Variants in MARCHF8 observed in about 807,000 individuals in gnomAD.
MARCHF8 encodes membrane associated ring-CH-type finger 8.
Under a neutral mutation model 51.6 loss-of-function variants are expected in MARCHF8, and 40 were observed. The observed-to-expected ratio is 0.77, with a 90% confidence interval of 0.60 to 1.01. The LOEUF is 1.01. MARCHF8 is among the 50% of genes least tolerant of loss of function. The pLI, the probability that MARCHF8 is intolerant of heterozygous loss-of-function variation, is 0.00. For synonymous variants in MARCHF8, 263 were observed against 280.3 expected, an observed-to-expected ratio of 0.94 and a Z score of 0.62; for missense variants, 685 against 708.6, an observed-to-expected ratio of 0.97 and a Z score of 0.38.
chr10:45,505,690 T>A (rs914416068), intron 2 of MARCHF8, among the ~76,000 whole-genome samples: 2 of 152,238 alleles, frequency 1.3e-5, no homozygotes, highest in African/African-American at 4.8e-5. Flanking sequence ...AACAAATTAT[T>A]TCCCAATGGG....
At position 45,499,834 on chromosome 10, in the gene MARCHF8, T is replaced by C. The variant is rs552313414; in HGVS notation, c.103-10417A>G. On this transcript the variant is annotated intron_variant, in intron 2 of 7. Transcript: ENST00000453424. ...CAGTACCACACTAACTTGTTTACTG[T>C]AGCTTTGTAATAAGTTTTGAAGTCA... Among the ~76,000 whole-genome samples the C allele has an allele frequency of 3.9e-5, 6 of 152,326 alleles. No individual in the cohort carries two copies. The East Asian group carries it at 1.2e-3, about 29-fold the overall frequency.
At chr10:45,473,685 T>C (rs1213918884) in intron 3 of MARCHF8, among the ~76,000 whole-genome samples, 1 of 152,188 alleles carries the variant, frequency 6.6e-6, no homozygotes, top group Non-Finnish European at 1.5e-5. Flanking sequence ...TCCAGCTGAA[T>C]AGAGTGGGTT....
intron 3 of MARCHF8, among the ~76,000 whole-genome samples, chr10:45,481,063 G>A (rs1013045418): frequency 2.6e-5 from 4 of 152,252 alleles, no homozygotes; most frequent in Non-Finnish European, 2.9e-5. Flanking sequence ...TGACCTGGAT[G>A]TGAGACATGG....
chr10:45,548,644 G>T (rs17157919), intron 1 of MARCHF8, among the ~76,000 whole-genome samples: 9,389 of 152,222 alleles, frequency 0.062, 331 homozygotes, highest in Non-Finnish European at 0.066. Context: ...AGCATTTCAC[G>T]TCTGAGAAAC....
At chr10:45,569,217 T>A (rs1034313087) in intron 1 of MARCHF8, among the ~76,000 whole-genome samples, 3 of 152,096 alleles carry the variant, frequency 2.0e-5, no homozygotes, top group Non-Finnish European at 2.9e-5. Context: ...CCCCATGCAG[T>A]GTGATATTAG....
intron 1 of MARCHF8, among the ~76,000 whole-genome samples, chr10:45,556,231 T>C: frequency 6.6e-6 from 1 of 152,192 alleles, no homozygotes; most frequent in East Asian, 1.9e-4. Context: ...CCGAATGTAA[T>C]GTGTAGACCT....
At chr10:45,467,824 G>C (rs757086700) in intron 3 of MARCHF8, among the ~76,000 whole-genome samples, 2 of 152,144 alleles carry the variant, frequency 1.3e-5, no homozygotes, top group Admixed American at 6.5e-5. Flanking sequence ...GACCACACAC[G>C]ACTCGACAAT....
intron 1 of MARCHF8, among the ~76,000 whole-genome samples, chr10:45,547,566 AT>A (rs2044142405): frequency 6.6e-6 from 1 of 152,222 alleles, no homozygotes; most frequent in African/African-American, 2.4e-5. Context: ...GCTTGACTAA[AT>A]GTGATAGTGT....
chr10:45,515,912 C>G (rs2043610534), intron 2 of MARCHF8, among the ~76,000 whole-genome samples: 1 of 152,248 alleles, frequency 6.6e-6, no homozygotes, highest in Admixed American at 6.5e-5. Context: ...CTGTTCTCTT[C>G]TCCCAGGGAT....
intron 3 of MARCHF8, among the ~76,000 whole-genome samples, chr10:45,484,299 AG>A (rs2042941775): frequency 6.6e-6 from 1 of 152,238 alleles, no homozygotes; most frequent in Admixed American, 6.5e-5. Flanking sequence ...GGAAGTACAT[AG>A]GGTGAGGACT....
In MARCHF8 at chr10:45,455,487, G is replaced by C. The variant is rs1308363982; in HGVS notation, c.*2752C>G. 1 of 151,786 alleles carries C rather than the reference G, an allele frequency of 6.6e-6. No homozygotes were observed. The highest frequency in any genetic ancestry group is 1.5e-5 in the Non-Finnish European group (1 of 68,016). The allele number at this position is 151,786 out of a possible 1,614,324, so 9.4% of individuals were successfully genotyped here. A position where few individuals can be genotyped will look rare whatever the true frequency, so the allele number is the denominator to read the frequency against. On this transcript the variant is annotated 3_prime_UTR_variant, in exon 8 of 8. Transcript: ENST00000453424. ...CCTCCTGGCCCTGAGACCTCATTCT[G>C]GGTTTCTATATGGGTCAACCAAATG...
chr10:45,571,336 CCTGGCTCAAAAGCTCCCCCA>C (rs1564520084), intron 1 of MARCHF8, among the ~76,000 whole-genome samples: 1 of 152,126 alleles, frequency 6.6e-6, no homozygotes, highest in Non-Finnish European at 1.5e-5. Flanking sequence ...CCTGGCTCAT[CCTGGCTCAAAAGCTCCCCCA>C]CTGAGCACCT....
At chr10:45,581,116 T>C (rs779391659) in intron 1 of MARCHF8, among the ~76,000 whole-genome samples, 1 of 152,124 alleles carries the variant, frequency 6.6e-6, no homozygotes, top group South Asian at 2.1e-4. Flanking sequence ...AGTCTGTGGT[T>C]CTCAACAGGG....
chr10:45,551,357 G>A (rs1370395111), intron 1 of MARCHF8, among the ~76,000 whole-genome samples: 1 of 152,098 alleles, frequency 6.6e-6, no homozygotes, highest in East Asian at 1.9e-4. Flanking sequence ...GATACCAAGA[G>A]TTTCTGTCAA....
intron 1 of MARCHF8, among the ~76,000 whole-genome samples, chr10:45,572,819 A>G (rs1252198856): frequency 6.6e-6 from 1 of 151,982 alleles, no homozygotes; most frequent in African/African-American, 2.4e-5. Context: ...AACGTGTTTT[A>G]TCCGTGGACC....
chr10:45,533,912 G>A (rs368713500), intron 1 of MARCHF8, among the ~76,000 whole-genome samples: 2 of 152,138 alleles, frequency 1.3e-5, no homozygotes, highest in African/African-American at 2.4e-5. Context: ...GGCCGGGTGC[G>A]GTGGCTCATG....
intron 2 of MARCHF8, among the ~76,000 whole-genome samples, chr10:45,513,222 T>TA (rs71023122): frequency 0.043 from 6,403 of 150,374 alleles, 162 homozygotes; most frequent in East Asian, 0.052. Context: ...AATGATCAAT[T>TA]AAAAAAAAAT....
At chr10:45,590,161 G>T (rs1394934717) in intron 1 of MARCHF8, among the ~76,000 whole-genome samples, 2 of 152,128 alleles carry the variant, frequency 1.3e-5, no homozygotes, top group Non-Finnish European at 2.9e-5. Flanking sequence ...TACTTCGTTG[G>T]TGTAACATGG....
chr10:45,555,150 AC>A (rs1464754141), intron 1 of MARCHF8, among the ~76,000 whole-genome samples: 1 of 152,016 alleles, frequency 6.6e-6, no homozygotes, highest in African/African-American at 2.4e-5. Context: ...AATCGCTTGA[AC>A]CTAGAAGGTA....
Sources: gnomAD v4.1 joint callset for allele counts (sites outside exome capture counted in the v4.1 genomes callset) on GRCh38, gnomAD v4.1.1 for gene constraint, MANE v1.5 for transcripts, NCBI Gene and HGNC (gene_info 2026-07-23, HGNC 2026-07-21) for gene names.